Variants in SLC4A10 observed in about 807,000 individuals in gnomAD.
The protein encoded by SLC4A10 is sodium-driven chloride bicarbonate exchanger.
In SLC4A10, 42 loss-of-function variants were observed where a neutral mutation model predicts 137.7. The ratio of observed to expected loss-of-function variants is 0.30; its 90% confidence interval spans 0.24 to 0.39. The LOEUF (loss-of-function observed/expected upper bound fraction) is 0.39. SLC4A10 is among the 10% of genes least tolerant of loss of function. SLC4A10 has a pLI of 1.00. For missense variants in SLC4A10, 925 were observed against 1,355.0 expected, an observed-to-expected ratio of 0.68 and a Z score of 4.98; for synonymous variants, 474 against 464.1, an observed-to-expected ratio of 1.02 and a Z score of -0.27.
At chr2:161,880,621 T>C (rs2061707736) in intron 9 of SLC4A10, among the ~76,000 whole-genome samples, 1 of 152,152 alleles carries the variant, frequency 6.6e-6, no homozygotes, top group Admixed American at 6.6e-5. Context: ...ACTGAGCACA[T>C]TAAAGTGGCA....
At chr2:161,877,122 A>G (rs936425253) in intron 8 of SLC4A10, among the ~76,000 whole-genome samples, 1 of 152,056 alleles carries the variant, frequency 6.6e-6, no homozygotes, top group African/African-American at 2.4e-5. Flanking sequence ...GTACTTCTTG[A>G]TTTAATTAAA....
At chr2:161,923,080 G>A (rs553381386) in intron 15 of SLC4A10, among the ~76,000 whole-genome samples, 1 of 152,294 alleles carries the variant, frequency 6.6e-6, no homozygotes, top group East Asian at 1.9e-4. Flanking sequence ...GGCTCTTCTT[G>A]TGTAAGGAAG....
At chr2:161,886,921 C>A (rs537028501) in intron 10 of SLC4A10, among the ~76,000 whole-genome samples, 1 of 152,168 alleles carries the variant, frequency 6.6e-6, no homozygotes, top group East Asian at 1.9e-4. Flanking sequence ...AGGTATTTCT[C>A]CTAATGCTAT....
chr2:161,679,598 T>C (rs2040625136), intron 1 of SLC4A10, among the ~76,000 whole-genome samples: 2 of 152,048 alleles, frequency 1.3e-5, no homozygotes, highest in African/African-American at 4.8e-5. Context: ...GTTTCTCATA[T>C]TGAATCAATC....
At chr2:161,708,605 T>C (rs2043942090) in intron 1 of SLC4A10, 2 of 1,332,644 alleles carry the variant, frequency 1.5e-6, no homozygotes, top group Non-Finnish European at 2.0e-6. Flanking sequence ...ACAGGGGAGA[T>C]GATAAATAGT....
chr2:161,836,189 A>G lies in SLC4A10; in HGVS notation c.278-3600A>G, dbSNP rs187745630. 9.2e-5 allele frequency among the ~76,000 whole-genome samples: 14 copies of G among 152,324 alleles called. No individual in the cohort carries two copies. The East Asian group carries it at 2.7e-3, about 29-fold the overall frequency. ...AAGAGAAAGAGTATGAAGCAAACAGACAGAAAACTATGGAAGAAATAATTG... is the reference window on the plus strand; with the variant it reads ...AAGAGAAAGAGTATGAAGCAAACAGGCAGAAAACTATGGAAGAAATAATTG... On this transcript the variant is annotated intron_variant, in intron 3 of 26. Transcript: ENST00000446997.
At chr2:161,795,867 T>C (rs2054716913) in intron 2 of SLC4A10, among the ~76,000 whole-genome samples, 1 of 152,160 alleles carries the variant, frequency 6.6e-6, no homozygotes. Flanking sequence ...TAAACTCTTA[T>C]AGCTATCTTA....
chr2:161,899,217 CT>C (rs1441053256), intron 11 of SLC4A10, among the ~76,000 whole-genome samples: 3 of 151,986 alleles, frequency 2.0e-5, no homozygotes, highest in Non-Finnish European at 2.9e-5. Flanking sequence ...ATCATCAAAT[CT>C]TTTTTTCTGT....
chr2:161,928,762 A>G lies in SLC4A10; in HGVS notation c.1998-14030A>G, dbSNP rs1252675869. ...ATCAAACATTTAGTTCCTCCCATCT[A>G]TAAAATGTAGCAATTAAACTATTAA... On this transcript the variant is annotated intron_variant, in intron 15 of 26. Transcript: ENST00000446997. 2.0e-5 allele frequency among the ~76,000 whole-genome samples: 3 copies of G among 151,830 alleles called. No homozygotes were observed. In the East Asian group the frequency reaches 5.8e-4, roughly 29 times the overall value.
At chr2:161,723,984 T>C (rs1350086332) in intron 1 of SLC4A10, among the ~76,000 whole-genome samples, 2 of 152,212 alleles carry the variant, frequency 1.3e-5, no homozygotes, top group Non-Finnish European at 1.5e-5. Flanking sequence ...AAATACACTA[T>C]ATTCTCTTCA....
chr2:161,689,265 C>T (rs1178398353), intron 1 of SLC4A10, among the ~76,000 whole-genome samples: 1 of 152,078 alleles, frequency 6.6e-6, no homozygotes, highest in East Asian at 1.9e-4. Flanking sequence ...ATGTCCTAGG[C>T]CTTCACATTC....
At chr2:161,821,451 A>T (rs1355702646) in intron 3 of SLC4A10, among the ~76,000 whole-genome samples, 5 of 152,222 alleles carry the variant, frequency 3.3e-5, no homozygotes, top group Non-Finnish European at 7.3e-5. Context: ...CCATCAACAC[A>T]GGAGAAATAT....
At chr2:161,934,635 C>CCTTATTATAGATGTGAGGTAGTATAA (rs1691239607) in intron 15 of SLC4A10, among the ~76,000 whole-genome samples, 1 of 151,916 alleles carries the variant, frequency 6.6e-6, no homozygotes, top group Non-Finnish European at 1.5e-5. Flanking sequence ...TCGATAATAA[C>CCTTATTATAGATGTGAGGTAGTATAA]CATTCTTATA....
chr2:161,743,906 A>T (rs973312330), intron 1 of SLC4A10, among the ~76,000 whole-genome samples: 1 of 151,964 alleles, frequency 6.6e-6, no homozygotes, highest in African/African-American at 2.4e-5. Flanking sequence ...TTTAAATGGG[A>T]TTACTTTCTT....
rs534663613 is a variant in SLC4A10, at chr2:161,827,850, C to A, written c.278-11939C>A. ...AAAGTGCTGGGATTACAGGCGTGAG[C>A]CCCCGCGCCCGGCCAATATTTATGT... On this transcript the variant is annotated intron_variant, in intron 3 of 26. Transcript: ENST00000446997. Among the ~76,000 whole-genome samples, 3 of 152,328 alleles carry A rather than the reference C, an allele frequency of 2.0e-5. No individual in the cohort carries two copies. The East Asian group carries it at 5.8e-4, about 29-fold the overall frequency.
Position 161,965,190 on chromosome 2 carries a change from T to A in SLC4A10, c.3159+17T>A. On this transcript the variant is annotated intron_variant, in intron 23 of 26. Transcript: ENST00000446997. ...GAAAAAGAAGTAAGAGCAAAATCAA[T>A]GTTTTATAAAGAAAGAAAAAAGGAA... 6.3e-7 allele frequency: 1 copy of A among 1,592,364 alleles called. No homozygotes were observed. The highest frequency in any genetic ancestry group is 8.6e-7 in the Non-Finnish European group (1 of 1,168,146).
At chr2:161,775,520 A>G (rs1322949033) in intron 2 of SLC4A10, among the ~76,000 whole-genome samples, 1 of 151,876 alleles carries the variant, frequency 6.6e-6, no homozygotes, top group East Asian at 1.9e-4. Flanking sequence ...AGTGTGTTGG[A>G]GGTCTTGGTA....
intron 11 of SLC4A10, among the ~76,000 whole-genome samples, chr2:161,895,441 C>T (rs1181078342): frequency 6.6e-6 from 1 of 152,052 alleles, no homozygotes; most frequent in East Asian, 1.9e-4. Context: ...AATGGGATGG[C>T]TGGGTCAAAT....
intron 1 of SLC4A10, among the ~76,000 whole-genome samples, chr2:161,756,621 A>C (rs979690953): frequency 8.1e-4 from 123 of 152,144 alleles, no homozygotes; most frequent in African/African-American, 2.8e-3. Flanking sequence ...TGCCCACTGT[A>C]CCTGGGAAGA....
Sources: allele counts gnomAD v4.1 joint callset (sites outside exome capture counted in the v4.1 genomes callset), GRCh38; gene constraint gnomAD v4.1.1; transcripts MANE v1.5; gene names NCBI Gene and HGNC (gene_info 2026-07-23, HGNC 2026-07-21).